The following CEMIP variants were observed in gnomAD, a reference collection of about 807,000 sequenced individuals.
CEMIP encodes cell migration inducing hyaluronidase 1, also known as cell migration-inducing and hyaluronan-binding protein.
Under a neutral mutation model 156.9 loss-of-function variants are expected in CEMIP, and 105 were observed. The observed-to-expected ratio is 0.67, with a 90% CI of 0.57 to 0.79. The LOEUF (loss-of-function observed/expected upper bound fraction) is 0.79. CEMIP is among the 30% of genes least tolerant of loss of function. The pLI is 0.00. For synonymous variants in CEMIP, 676 were observed against 668.4 expected, an observed-to-expected ratio of 1.01 and a Z score of -0.17; for missense variants, 1,457 against 1,769.4, an observed-to-expected ratio of 0.82 and a Z score of 3.17.
intron 1 of CEMIP, among the ~76,000 whole-genome samples, chr15:80,843,921 G>A (rs927440980): frequency 1.3e-5 from 2 of 152,244 alleles, no homozygotes; most frequent in Non-Finnish European, 2.9e-5. Flanking sequence ...TACAGAAGAA[G>A]AAACTGAGGC....
intron 1 of CEMIP, among the ~76,000 whole-genome samples, chr15:80,811,100 C>T (rs989861371): frequency 6.6e-6 from 1 of 152,166 alleles, no homozygotes; most frequent in Non-Finnish European, 1.5e-5. Flanking sequence ...CTTCCCCCAA[C>T]CTACTTACAG....
At chr15:80,837,929 A>G (rs1897300886) in intron 1 of CEMIP, among the ~76,000 whole-genome samples, 1 of 152,190 alleles carries the variant, frequency 6.6e-6, no homozygotes, top group South Asian at 2.1e-4. Context: ...CACTGGCCAC[A>G]CCAACTTCCT....
chr15:80,785,509 T>G (rs1222249432), intron 1 of CEMIP, among the ~76,000 whole-genome samples: 2 of 152,168 alleles, frequency 1.3e-5, no homozygotes, highest in African/African-American at 4.8e-5. Flanking sequence ...AGGCCCTGAA[T>G]GAGTCACTGA....
chr15:80,892,084 G>C (rs1017477737), intron 10 of CEMIP, among the ~76,000 whole-genome samples: 1 of 152,098 alleles, frequency 6.6e-6, no homozygotes, highest in African/African-American at 2.4e-5. Flanking sequence ...GTCACCTGGT[G>C]CCTCTCACCT....
chr15:80,823,987 C>T (rs996760165), intron 1 of CEMIP, among the ~76,000 whole-genome samples: 1 of 152,182 alleles, frequency 6.6e-6, no homozygotes, highest in Non-Finnish European at 1.5e-5. Flanking sequence ...GACCCCAGCA[C>T]AGCATCAAGA....
chr15:80,941,280 C>G (rs1390777708), intron 25 of CEMIP, among the ~76,000 whole-genome samples: 3 of 152,196 alleles, frequency 2.0e-5, no homozygotes, highest in Non-Finnish European at 4.4e-5. Flanking sequence ...CAAGTTAGTA[C>G]TGTGTTTTCC....
At position 80,872,375 on chromosome 15, in the gene CEMIP, C is replaced by T. The variant is rs116392063; in HGVS notation, c.-175-1163C>T. ...ACAGAGGGCTTGCACAAAGACATCT[C>T]TCCAAGCGACATTATAGCCTGAAAA... On this transcript the variant is annotated intron_variant, in intron 1 of 29. Transcript: ENST00000394685. Among the ~76,000 whole-genome samples the T allele has an allele frequency of 3.4e-3, 516 of 152,304 alleles. 5 individuals carry two copies. Among genetic ancestry groups the T allele is most frequent in the African/African-American group, 0.011 (466 of 41,538 alleles).
intron 12 of CEMIP, chr15:80,897,374 T>C: frequency 2.2e-6 from 1 of 455,950 alleles, no homozygotes; most frequent in Non-Finnish European, 4.4e-6. Context: ...CTGAGAACAC[T>C]GATGGAATTC....
At chr15:80,876,217 G>T (rs548871736) in intron 3 of CEMIP, among the ~76,000 whole-genome samples, 1 of 152,282 alleles carries the variant, frequency 6.6e-6, no homozygotes, top group African/African-American at 2.4e-5. Flanking sequence ...GGACTTGATG[G>T]AAGGCAGCCC....
At chr15:80,921,279 G>A (rs753102157) in intron 16 of CEMIP, among the ~76,000 whole-genome samples, 178 bp downstream of exon 16, 4 of 152,132 alleles carry the variant, frequency 2.6e-5, no homozygotes, top group African/African-American at 7.2e-5. Context: ...GGCAGGGGGC[G>A]TTCTTTGGAC....
intron 1 of CEMIP, among the ~76,000 whole-genome samples, chr15:80,860,973 C>T (rs112623671): frequency 0.014 from 2,191 of 152,146 alleles, 47 homozygotes; most frequent in African/African-American, 0.048. Context: ...GAGCTTTCCT[C>T]TCCTCTGCTT....
chr15:80,916,386 A>G (rs976982081), intron 14 of CEMIP, among the ~76,000 whole-genome samples: 5 of 152,250 alleles, frequency 3.3e-5, no homozygotes, highest in African/African-American at 9.6e-5. Flanking sequence ...AACAGTGTTC[A>G]GGAATTGCTT....
intron 12 of CEMIP, among the ~76,000 whole-genome samples, chr15:80,902,059 C>A (rs1567092002): frequency 6.6e-6 from 1 of 152,252 alleles, no homozygotes; most frequent in Admixed American, 6.5e-5. Context: ...CTCCACCAGA[C>A]TCACTGAGTC....
chr15:80,949,033 G>A lies in CEMIP; in HGVS notation c.*109G>A. 2.0e-6 allele frequency: 3 copies of A among 1,464,784 alleles called. No individual in the cohort carries two copies. The South Asian group carries it at 3.4e-5, about 17-fold the overall frequency. The allele number at this position is 1,464,784 out of a possible 1,614,324, so 90.7% of individuals were successfully genotyped here. A position where few individuals can be genotyped will look rare whatever the true frequency, so the allele number is the denominator to read the frequency against. On this transcript the variant is annotated 3_prime_UTR_variant, in exon 30 of 30. Transcript: ENST00000394685. ...CCAGCCCCTGCCAGCAGCTGCCTGG[G>A]AAGGCCGTGTTTCAGCCCTGATGGG...
At chr15:80,784,339 T>C (rs1274706916) in intron 1 of CEMIP, among the ~76,000 whole-genome samples, 3 of 152,182 alleles carry the variant, frequency 2.0e-5, no homozygotes, top group Non-Finnish European at 4.4e-5. Flanking sequence ...GCCAGATTGC[T>C]GTCTTACCTG....
intron 1 of CEMIP, among the ~76,000 whole-genome samples, chr15:80,855,161 C>G (rs1897820255): frequency 6.6e-6 from 1 of 152,248 alleles, no homozygotes; most frequent in African/African-American, 2.4e-5. Context: ...CACTGAAGCT[C>G]TTTGAGACAG....
At chr15:80,880,271 C>T (rs371085509) in intron 5 of CEMIP, among the ~76,000 whole-genome samples, 232 of 152,288 alleles carry the variant, frequency 1.5e-3, no homozygotes, top group African/African-American at 4.1e-3. Flanking sequence ...GGATATGCAG[C>T]GCATGTCCAG....
intron 1 of CEMIP, among the ~76,000 whole-genome samples, chr15:80,787,158 G>C (rs1895961036): frequency 6.6e-6 from 1 of 152,248 alleles, no homozygotes; most frequent in African/African-American, 2.4e-5. Context: ...CACCCGAAGA[G>C]AGGCTGCCCC....
chr15:80,918,675 G>A (rs1423082919), intron 14 of CEMIP, among the ~76,000 whole-genome samples: 1 of 152,202 alleles, frequency 6.6e-6, no homozygotes, highest in East Asian at 1.9e-4. Context: ...TCTGTACCCA[G>A]GGGTGGGGAT....
Sources: gnomAD v4.1 joint callset for allele counts (sites outside exome capture counted in the v4.1 genomes callset) on GRCh38, gnomAD v4.1.1 for gene constraint, MANE v1.5 for transcripts, NCBI Gene and HGNC (gene_info 2026-07-23, HGNC 2026-07-21) for gene names.